MAGEA11: variants seen among roughly 807,000 people sequenced by gnomAD.
MAGEA11 encodes the protein melanoma-associated antigen 11.
Under a neutral mutation model 8.4 loss-of-function variants are expected in MAGEA11, and 1 was observed. The observed-to-expected ratio is 0.12, with a 90% CI of 0.04 to 0.57. The LOEUF (loss-of-function observed/expected upper bound fraction) is 0.57. MAGEA11 is among the 20% of genes least tolerant of loss of function. The pLI is 0.91. For missense variants in MAGEA11, 209 were observed against 317.3 expected, an observed-to-expected ratio of 0.66 and a Z score of 2.59; for synonymous variants, 127 against 119.3, an observed-to-expected ratio of 1.06 and a Z score of -0.42.
chrX:149,708,758 T>TGG (rs2090387502), upstream of MAGEA11, among the ~76,000 whole-genome samples: 1 of 111,162 alleles, frequency 9.0e-6, no homozygotes, highest in African/African-American at 3.3e-5. Flanking sequence ...TCCAGTATTC[T>TGG]ATCCAAGGTT....
At chrX:149,708,097 T>G (rs2090384909), upstream of MAGEA11, among the ~76,000 whole-genome samples, 1 of 112,656 alleles carries the variant, frequency 8.9e-6, no homozygotes, top group Non-Finnish European at 1.9e-5. Context: ...TAGTTTCTTT[T>G]GCTGAGCAGA....
At chrX:149,709,390 C>A (rs2090390400), upstream of MAGEA11, among the ~76,000 whole-genome samples, 1 of 111,593 alleles carries the variant, frequency 9.0e-6, no homozygotes, top group Admixed American at 9.5e-5. Flanking sequence ...CACAAATGAT[C>A]CAGGAAAAGA....
Position 149,712,820 on chromosome X carries a change from G to A in MAGEA11, c.-17-323G>A, listed in dbSNP as rs782676293. Among the ~76,000 whole-genome samples, 21 of 112,334 alleles carry A rather than the reference G, an allele frequency of 1.9e-4. No homozygotes were observed. In the South Asian group the frequency reaches 5.9e-3, roughly 32 times the overall value. On this transcript the variant is annotated intron_variant, in intron 1 of 4. Transcript: ENST00000355220. ...TGACCAGGGCAGGGCTGGTTGGGGGGGGCAGGACCCAGGTTCTGCCAGGCA... is the reference window on the plus strand; with the variant it reads ...TGACCAGGGCAGGGCTGGTTGGGGGAGGCAGGACCCAGGTTCTGCCAGGCA...
upstream of MAGEA11, among the ~76,000 whole-genome samples, chrX:149,688,477 A>AG (rs1302295751): frequency 4.5e-5 from 5 of 111,590 alleles, no homozygotes; most frequent in African/African-American, 1.6e-4. Flanking sequence ...TTACAACAGA[A>AG]GACTGTCTTC....
chrX:149,713,367 A>C (rs1460918352), intron 2 of MAGEA11, 112 bp downstream of exon 2: 10 of 488,856 alleles, frequency 2.0e-5, no homozygotes, highest in Non-Finnish European at 3.4e-5. Flanking sequence ...TGAGGAGTGG[A>C]GCCTCAGGTC....
intron 1 of MAGEA11, among the ~76,000 whole-genome samples, chrX:149,706,681 G>A (rs959873310): frequency 8.9e-6 from 1 of 111,922 alleles, no homozygotes. Flanking sequence ...ACTGAGTCTT[G>A]AGTAGTTGTA....
At chrX:149,700,612 T>G (rs1255063318) in intron 1 of MAGEA11, among the ~76,000 whole-genome samples, 1 of 109,867 alleles carries the variant, frequency 9.1e-6, no homozygotes, top group Non-Finnish European at 1.9e-5. Flanking sequence ...ATGTGCACAT[T>G]GTGCAGGTTA....
chrX:149,690,043 G>C (rs1274397035), intron 1 of MAGEA11, among the ~76,000 whole-genome samples: 4 of 111,890 alleles, frequency 3.6e-5, no homozygotes, highest in Non-Finnish European at 7.5e-5. Flanking sequence ...CCTCTCCTCC[G>C]GGAAAGAGGC....
At chrX:149,710,769 C>T (rs1469542031), upstream of MAGEA11, among the ~76,000 whole-genome samples, 3 of 109,861 alleles carry the variant, frequency 2.7e-5, no homozygotes, top group Non-Finnish European at 3.8e-5. Flanking sequence ...TGTGAACCAC[C>T]GCGTTCAGTC....
intron 1 of MAGEA11, among the ~76,000 whole-genome samples, chrX:149,700,543 T>A (rs1307566782): frequency 8.9e-6 from 1 of 111,845 alleles, no homozygotes; most frequent in Non-Finnish European, 1.9e-5. Context: ...ATTTCTTTTT[T>A]TTTTTGGAAA....
intron 1 of MAGEA11, among the ~76,000 whole-genome samples, chrX:149,705,388 C>T (rs2090372952): frequency 8.9e-6 from 1 of 111,992 alleles, no homozygotes; most frequent in African/African-American, 3.2e-5. Flanking sequence ...CTTTGCCTGC[C>T]GTCATCCACG....
At chrX:149,705,867 T>C (rs200552386) in intron 1 of MAGEA11, among the ~76,000 whole-genome samples, 2 of 111,564 alleles carry the variant, frequency 1.8e-5, no homozygotes, top group African/African-American at 6.5e-5. Flanking sequence ...GAAGAGGCTG[T>C]TGGTGGGGTG....
Position 149,717,013 on chromosome X carries a change from T to C in MAGEA11, c.*237T>C, listed in dbSNP as rs2090430178. ...TTGGAGATTTCTTTTTGTTTCCCTT[T>C]GGTAATTTTCAAATATTGTTCCTGT... On this transcript the variant is annotated 3_prime_UTR_variant, in exon 5 of 5. Transcript: ENST00000355220. 6.2e-6 allele frequency: 2 copies of C among 322,930 alleles called. No individual in the cohort carries two copies. Among genetic ancestry groups the C allele is most frequent in the African/African-American group, 2.6e-5 (1 of 38,586 alleles). 26.6% of individuals were successfully genotyped at this position (322,930 alleles called of 1,213,427 possible).
intron 1 of MAGEA11, among the ~76,000 whole-genome samples, chrX:149,704,442 C>T (rs140072227): frequency 8.9e-6 from 1 of 112,105 alleles, no homozygotes; most frequent in East Asian, 2.8e-4. Context: ...TTTTTCACTC[C>T]TGCTTCATTC....
chrX:149,698,647 C>T (rs2090339630), intron 1 of MAGEA11, among the ~76,000 whole-genome samples: 2 of 111,454 alleles, frequency 1.8e-5, no homozygotes, highest in African/African-American at 6.5e-5. Context: ...TTTCTTTGTT[C>T]CAGGCTTGAT....
chrX:149,713,076 C>G, intron 1 of MAGEA11, 67 bp from the exon 2 acceptor site: 1 of 686,601 alleles, frequency 1.5e-6, no homozygotes, highest in Non-Finnish European at 2.3e-6. Context: ...ACTGAAGGGA[C>G]CCAGCACCCC....
At chrX:149,708,369 A>G (rs1272370132), upstream of MAGEA11, among the ~76,000 whole-genome samples, 1 of 111,999 alleles carries the variant, frequency 8.9e-6, no homozygotes, top group African/African-American at 3.2e-5. Context: ...AATATCACAA[A>G]TCTCAGCATC....
chrX:149,713,541 C>T, intron 2 of MAGEA11: 1 of 268,542 alleles, frequency 3.7e-6, no homozygotes. Context: ...GTGGTCGTGG[C>T]CTGCAAAACT....
upstream of MAGEA11, among the ~76,000 whole-genome samples, chrX:149,710,626 CT>C (rs1256848843): frequency 7.3e-5 from 8 of 110,211 alleles, no homozygotes; most frequent in Non-Finnish European, 1.9e-5. Flanking sequence ...TTTTTCATTT[CT>C]TTTTTCTTTT....
Sources: gnomAD v4.1 joint callset for allele counts (sites outside exome capture counted in the v4.1 genomes callset) on GRCh38, gnomAD v4.1.1 for gene constraint, MANE v1.5 for transcripts, NCBI Gene and HGNC (gene_info 2026-07-23, HGNC 2026-07-21) for gene names.